SMCO2: variants seen among roughly 807,000 people sequenced by gnomAD.
SMCO2 encodes the protein single-pass membrane protein with coiled-coil domains 2.
SMCO2 carries 25 observed loss-of-function variants against 29.5 expected under a neutral mutation model. That is an observed-to-expected ratio of 0.85 (90% CI 0.62 to 1.18). SMCO2 has a LOEUF of 1.18. SMCO2 is among the 50% of genes most tolerant of loss of function. The probability of loss-of-function intolerance (pLI) is 0.00; values close to 1 mark genes in which losing one functional copy is unlikely to be tolerated. For missense variants in SMCO2, 348 were observed against 344.5 expected (o/e 1.01, Z -0.08); for synonymous variants, 117 against 123.3 (o/e 0.95, Z 0.34).
chr12:27,449,967 C>T, the SMCO2 span, among the ~76,000 whole-genome samples: 4 of 152,176 alleles, frequency 2.6e-5, no homozygotes, highest in East Asian at 1.9e-4. Context: ...TCCCTTCATT[C>T]GTTCTCACCT....
the SMCO2 span, among the ~76,000 whole-genome samples, chr12:27,426,581 T>C: frequency 6.6e-6 from 1 of 152,206 alleles, no homozygotes; most frequent in Non-Finnish European, 1.5e-5. Context: ...GACAGTAATT[T>C]TAACAATGAT....
the SMCO2 span, among the ~76,000 whole-genome samples, chr12:27,459,684 T>C: frequency 6.6e-6 from 1 of 152,210 alleles, no homozygotes; most frequent in South Asian, 2.1e-4. Context: ...CTTTCAGCTG[T>C]CAGCTCTCCT....
the SMCO2 span, chr12:27,446,766 G>C: frequency 1.3e-5 from 2 of 151,394 alleles, no homozygotes; most frequent in Admixed American, 6.6e-5. Context: ...TGTACCTGAG[G>C]CCCTTGGGGA....
Position 27,470,648 on chromosome 12 carries a change from C to A in SMCO2, c.17C>A (p.Thr6Lys), listed in dbSNP as rs1301308856. Residue 6 changes from threonine (T) to lysine (K), a missense_variant, in exon 2 of 8, where the codon ACA (threonine) becomes AAA (lysine). By Grantham distance (78) the Thr-to-Lys change is moderately conservative (BLOSUM62 -1). Coordinates refer to ENST00000298876, the Ensembl canonical transcript of SMCO2. ...GCCGAAGAAATGGCTCTCACGCCCA[C>A]AAACCTAAATAACAAAATGTCTCTG... The A allele has an allele frequency of 2.6e-6, 4 of 1,550,922 alleles. No individual in the cohort carries two copies. The African/African-American group carries it at 5.5e-5, about 21-fold the overall frequency.
intron 4 of SMCO2, among the ~76,000 whole-genome samples, chr12:27,476,077 T>C (rs1041947282): frequency 1.3e-5 from 2 of 152,230 alleles, no homozygotes; most frequent in Non-Finnish European, 2.9e-5. Context: ...TTCATTTGTC[T>C]CAAGCAATTT....
chr12:27,488,658 G>C, intron 5 of SMCO2, 111 bp downstream of exon 6: 1 of 718,038 alleles, frequency 1.4e-6, no homozygotes, highest in Non-Finnish European at 2.1e-6. Flanking sequence ...TCATAAGCAG[G>C]AGTGCTCTCT....
intron 7 of SMCO2, 60 bp downstream of exon 8, chr12:27,495,915 G>T: frequency 7.7e-7 from 1 of 1,305,776 alleles, no homozygotes; most frequent in Non-Finnish European, 9.9e-7. Context: ...TATGGATTAT[G>T]CTGGGATTGA....
intron 4 of SMCO2, 117 bp from the exon 6 acceptor site, chr12:27,488,343 C>T (rs1949706714): frequency 5.0e-6 from 3 of 598,304 alleles, no homozygotes; most frequent in East Asian, 3.2e-5. Context: ...AATACAAGCA[C>T]TACCAAAGCA....
chr12:27,458,623 C>T, the SMCO2 span, among the ~76,000 whole-genome samples: 2 of 152,338 alleles, frequency 1.3e-5, no homozygotes, highest in Non-Finnish European at 1.5e-5. Flanking sequence ...CAGTGGCTCA[C>T]GCCTCTAATC....
At chr12:27,437,981 C>T in the SMCO2 span, among the ~76,000 whole-genome samples, 5 of 152,188 alleles carry the variant, frequency 3.3e-5, no homozygotes, top group Non-Finnish European at 7.3e-5. Context: ...AGTGACCACC[C>T]TCCTCTTCAC....
At chr12:27,489,839 C>G (rs1949720567) in intron 5 of SMCO2, among the ~76,000 whole-genome samples, 1 of 152,088 alleles carries the variant, frequency 6.6e-6, no homozygotes, top group African/African-American at 2.4e-5. Flanking sequence ...AGAATTTCCT[C>G]CAAAATCCAA....
At chr12:27,482,623 T>C (rs1174445584) in intron 4 of SMCO2, among the ~76,000 whole-genome samples, 1 of 152,248 alleles carries the variant, frequency 6.6e-6, no homozygotes, top group Non-Finnish European at 1.5e-5. Context: ...ATTTAAAGTA[T>C]GTTTTAGTTT....
intron 4 of SMCO2, among the ~76,000 whole-genome samples, chr12:27,485,454 T>G (rs1592213340): frequency 6.7e-6 from 1 of 149,808 alleles, no homozygotes; most frequent in Non-Finnish European, 1.5e-5. Context: ...TTTTAAGTTT[T>G]TTTTTTTTTT....
upstream of SMCO2, chr12:27,466,711 A>T (rs1425317021): frequency 6.6e-6 from 1 of 152,528 alleles, no homozygotes; most frequent in East Asian, 1.9e-4. Flanking sequence ...GGTAGAAGCC[A>T]GTCAGGAGAG....
At chr12:27,432,888 G>T in the SMCO2 span, among the ~76,000 whole-genome samples, 1 of 152,114 alleles carries the variant, frequency 6.6e-6, no homozygotes, top group East Asian at 1.9e-4. Context: ...TTCTTTCACT[G>T]ATTAATCCTC....
the SMCO2 span, among the ~76,000 whole-genome samples, chr12:27,427,075 C>G: frequency 6.6e-6 from 1 of 152,160 alleles, no homozygotes. Context: ...AAAGCAGTAA[C>G]TATAGAATGT....
At chr12:27,494,424 A>G (rs1201109878) in intron 6 of SMCO2, 68 bp downstream of exon 7, 2 of 1,076,254 alleles carry the variant, frequency 1.9e-6, no homozygotes, top group African/African-American at 3.3e-5. Context: ...TACAGGGGTC[A>G]TTCATTGCCT....
chr12:27,427,182 A>G, the SMCO2 span, among the ~76,000 whole-genome samples: 2 of 152,114 alleles, frequency 1.3e-5, no homozygotes, highest in Non-Finnish European at 2.9e-5. Flanking sequence ...AATATGTTAT[A>G]CTCTGGCAGT....
the SMCO2 span, chr12:27,424,324 T>A: frequency 6.6e-6 from 1 of 152,198 alleles, no homozygotes; most frequent in Admixed American, 6.5e-5. Flanking sequence ...CTATCCATGT[T>A]ACCAAATTTA....
Sources: gnomAD v4.1 joint callset for allele counts (sites outside exome capture counted in the v4.1 genomes callset) on GRCh38, gnomAD v4.1.1 for gene constraint, MANE v1.5 for transcripts, NCBI Gene and HGNC (gene_info 2026-07-23, HGNC 2026-07-21) for gene names.